HMGA2: variants seen among roughly 807,000 people sequenced by gnomAD.
HMGA2 encodes the protein high mobility group protein HMGI-C.
A neutral mutation model predicts 19.1 loss-of-function variants in HMGA2; 8 were observed. The ratio of observed to expected loss-of-function variants is 0.42; its 90% CI spans 0.25 to 0.76. The LOEUF (loss-of-function observed/expected upper bound fraction) is 0.76, where lower values mean the gene tolerates loss of function less well. Among genes scored for constraint, HMGA2 ranks in the 30% least tolerant of loss-of-function variants. The pLI is 0.28. For missense variants in HMGA2, 109 were observed against 136.3 expected, an observed-to-expected ratio of 0.80 and a Z score of 1.00; for synonymous variants, 60 against 48.8, an observed-to-expected ratio of 1.23 and a Z score of -0.96.
intron 3 of HMGA2, chr12:65,881,964 T>A (rs1873429799): frequency 1.4e-6 from 1 of 699,064 alleles, no homozygotes; most frequent in Non-Finnish European, 2.6e-6. Context: ...CTCCGTAGCC[T>A]TTGCAGCTGA....
intron 3 of HMGA2, among the ~76,000 whole-genome samples, chr12:65,944,005 A>G (rs1876177231): frequency 6.6e-6 from 1 of 152,208 alleles, no homozygotes; most frequent in East Asian, 1.9e-4. Flanking sequence ...CAACCCCAGA[A>G]AAGTGGTACC....
chr12:65,870,839 G>A (rs1021114133), intron 3 of HMGA2, among the ~76,000 whole-genome samples: 1 of 152,202 alleles, frequency 6.6e-6, no homozygotes, highest in African/African-American at 2.4e-5. Context: ...GGTGTATTTA[G>A]GTAAGAGCAG....
chr12:65,934,738 T>C (rs1875835079), intron 3 of HMGA2: 1 of 152,232 alleles, frequency 6.6e-6, no homozygotes, highest in Admixed American at 6.5e-5. Flanking sequence ...ATGAAATCAC[T>C]CAACCTAGAG....
At chr12:65,834,507 T>G (rs181260698) in intron 2 of HMGA2, among the ~76,000 whole-genome samples, 118 of 151,834 alleles carry the variant, frequency 7.8e-4, no homozygotes, top group African/African-American at 2.7e-3. Context: ...TCCTTTCCTC[T>G]TGCCCTCCCT....
At chr12:65,906,772 T>C (rs544437253) in intron 3 of HMGA2, among the ~76,000 whole-genome samples, 8 of 152,332 alleles carry the variant, frequency 5.3e-5, no homozygotes, top group Middle Eastern at 3.4e-3. Flanking sequence ...AAACATTAAG[T>C]TCTGTAGAGT....
At chr12:65,842,193 C>T in intron 3 of HMGA2, 1 of 923,282 alleles carries the variant, frequency 1.1e-6, no homozygotes, top group Non-Finnish European at 1.5e-6. Flanking sequence ...CGTCACTTAG[C>T]TAACTGGAGT....
At chr12:65,943,833 C>T (rs896655828) in intron 3 of HMGA2, among the ~76,000 whole-genome samples, 1 of 152,160 alleles carries the variant, frequency 6.6e-6, no homozygotes, top group Non-Finnish European at 1.5e-5. Flanking sequence ...ACACAGGAGG[C>T]ACAATGAATG....
intron 2 of HMGA2, chr12:65,830,962 T>A (rs1053290335): frequency 6.6e-6 from 1 of 151,920 alleles, no homozygotes; most frequent in African/African-American, 2.4e-5. Flanking sequence ...TTCTAGTCAT[T>A]CCTCAGAACT....
intron 3 of HMGA2, among the ~76,000 whole-genome samples, chr12:65,940,257 A>G (rs997546414): frequency 1.3e-5 from 2 of 152,232 alleles, no homozygotes; most frequent in African/African-American, 2.4e-5. Context: ...AGATATAGCT[A>G]TAAATAAGAA....
chr12:65,946,631 G>A (rs538733877), intron 3 of HMGA2, among the ~76,000 whole-genome samples: 7 of 152,236 alleles, frequency 4.6e-5, no homozygotes, highest in Admixed American at 2.0e-4. Context: ...CTACCAGAAG[G>A]AGTGGCTTAG....
chr12:65,842,714 G>A (rs1012258890), intron 3 of HMGA2: 3 of 1,468,546 alleles, frequency 2.0e-6, no homozygotes, highest in Non-Finnish European at 2.7e-6. Context: ...ATACAGAGAT[G>A]TGCTGATTCT....
At chr12:65,858,365 C>T (rs914598944) in intron 3 of HMGA2, 7 of 151,342 alleles carry the variant, frequency 4.6e-5, no homozygotes, top group Admixed American at 2.6e-4. Flanking sequence ...AAATTTGATT[C>T]AGCAATTCCT....
intron 3 of HMGA2, among the ~76,000 whole-genome samples, chr12:65,853,488 T>G (rs1871578335): frequency 6.6e-6 from 1 of 152,190 alleles, no homozygotes; most frequent in Non-Finnish European, 1.5e-5. Flanking sequence ...TGGTTAAATA[T>G]CCCTGCAGAT....
chr12:65,899,432 C>T (rs903269515), intron 3 of HMGA2, among the ~76,000 whole-genome samples: 1 of 152,238 alleles, frequency 6.6e-6, no homozygotes, highest in Non-Finnish European at 1.5e-5. Flanking sequence ...TCCTTATTAT[C>T]TGTCACAGGA....
chr12:65,881,455 TA>T (rs145784257), intron 3 of HMGA2: 35 of 465,796 alleles, frequency 7.5e-5, no homozygotes, highest in Admixed American at 2.1e-4. Flanking sequence ...AAGACTTGGC[TA>T]AAAAAAACCC....
chr12:65,951,248 A>G, intron 3 of HMGA2, 135 bp from the exon 4 acceptor site: 3 of 609,594 alleles, frequency 4.9e-6, no homozygotes, highest in Non-Finnish European at 8.6e-6. Context: ...CACTTTTAAC[A>G]TTGGATATAC....
intron 3 of HMGA2, among the ~76,000 whole-genome samples, chr12:65,878,652 C>CT (rs1565718666): frequency 6.6e-6 from 1 of 152,146 alleles, no homozygotes; most frequent in African/African-American, 2.4e-5. Context: ...TCTGCCTTTG[C>CT]TTTTTTCCCA....
At chr12:65,844,006 A>C (rs1446550613) in intron 3 of HMGA2, among the ~76,000 whole-genome samples, 1 of 148,890 alleles carries the variant, frequency 6.7e-6, no homozygotes, top group Non-Finnish European at 1.5e-5. Context: ...CTTGGTGATC[A>C]TGCCACTGCA....
chr12:65,868,172 G>A (rs1195894046), intron 3 of HMGA2, among the ~76,000 whole-genome samples: 1 of 152,180 alleles, frequency 6.6e-6, no homozygotes, highest in Non-Finnish European at 1.5e-5. Flanking sequence ...GAAATGTAAG[G>A]ATCTCTTGTG....
Sources: allele counts gnomAD v4.1 joint callset (sites outside exome capture counted in the v4.1 genomes callset), GRCh38; gene constraint gnomAD v4.1.1; transcripts MANE v1.5; gene names NCBI Gene and HGNC (gene_info 2026-07-23, HGNC 2026-07-21).